The following ADAMTS3 variants were observed in gnomAD, a reference collection of about 807,000 sequenced individuals.
ADAMTS3 encodes ADAM metallopeptidase with thrombospondin type 1 motif 3.
A neutral mutation model predicts 129.0 loss-of-function variants in ADAMTS3; 73 were observed. The observed-to-expected ratio is 0.57, with a 90% confidence interval of 0.47 to 0.69. The LOEUF (loss-of-function observed/expected upper bound fraction) is 0.69, where lower values mean the gene tolerates loss of function less well. ADAMTS3 is among the 30% of genes least tolerant of loss of function. ADAMTS3 has a pLI of 0.00. For missense variants in ADAMTS3, 1,457 were observed against 1,514.5 expected (o/e 0.96, Z 0.63); for synonymous variants, 477 against 510.8 (o/e 0.93, Z 0.89).
rs200127935 is a variant in ADAMTS3 at position 72,567,361 on chromosome 4, G to A, written c.97+13C>T. The A allele has an allele frequency of 7.3e-5, 117 of 1,612,982 alleles. No homozygotes were observed. The highest frequency in any genetic ancestry group is 9.0e-5 in the Non-Finnish European group (106 of 1,179,284). On this transcript the variant is annotated intron_variant, in intron 2 of 21. Coordinates refer to ENST00000286657, the MANE Select transcript of ADAMTS3 (RefSeq NM_014243.3). ...AACTTAAGATAAGAGTGACATCTGA[G>A]AACAAAGCTTACCTATTTGCACCAT...
intron 4 of ADAMTS3, among the ~76,000 whole-genome samples, chr4:72,347,065 G>A (rs920140925): frequency 1.1e-4 from 17 of 152,156 alleles, no homozygotes; most frequent in African/African-American, 3.6e-4. Flanking sequence ...GGAAACTGGA[G>A]GAATATAACA....
chr4:72,340,421 G>A (rs1038708775), intron 4 of ADAMTS3, among the ~76,000 whole-genome samples: 1 of 151,644 alleles, frequency 6.6e-6, no homozygotes, highest in Non-Finnish European at 1.5e-5. Flanking sequence ...ATACATATAT[G>A]TGTATATGCA....
At chr4:72,494,194 T>A (rs1002606204) in intron 3 of ADAMTS3, among the ~76,000 whole-genome samples, 3 of 152,154 alleles carry the variant, frequency 2.0e-5, no homozygotes, top group Non-Finnish European at 2.9e-5. Flanking sequence ...TTCTCCTTCT[T>A]GAACTCTCAA....
chr4:72,389,486 T>C (rs1167850755), intron 4 of ADAMTS3, among the ~76,000 whole-genome samples: 1 of 151,162 alleles, frequency 6.6e-6, no homozygotes, highest in Admixed American at 6.6e-5. Flanking sequence ...TGTTCATCTG[T>C]ATAACTTTGA....
At chr4:72,519,798 T>C (rs1720609272) in intron 3 of ADAMTS3, among the ~76,000 whole-genome samples, 1 of 152,238 alleles carries the variant, frequency 6.6e-6, no homozygotes, top group Non-Finnish European at 1.5e-5. Context: ...TTCCTGTAGC[T>C]CGGAGTAGTT....
At chr4:72,333,848 CTTT>C (rs6148516) in intron 5 of ADAMTS3, among the ~76,000 whole-genome samples, 3 of 99,466 alleles carry the variant, frequency 3.0e-5, no homozygotes, top group African/African-American at 3.9e-5. Context: ...TGTTTGCTTG[CTTT>C]TTTTTTTTTT....
At position 72,314,677 on chromosome 4, in the gene ADAMTS3, G is replaced by A. The variant is rs144972969; in HGVS notation, c.1600-855C>T. ...TTATAAAGCAAAAATGAATTAACTC[G>A]TTATACTCTTGTTTTTAGTCAGAAG... On this transcript the variant is annotated intron_variant, in intron 11 of 21. Coordinates refer to ENST00000286657, the MANE Select transcript of ADAMTS3 (RefSeq NM_014243.3). Among the ~76,000 whole-genome samples the A allele has an allele frequency of 1.6e-3, 245 of 152,122 alleles. 2 individuals carry two copies. The highest frequency in any genetic ancestry group is 5.5e-3 in the African/African-American group (230 of 41,526).
chr4:72,323,150 T>A (rs1262437883), intron 5 of ADAMTS3, 53 bp from the exon 6 acceptor site: 1 of 1,401,796 alleles, frequency 7.1e-7, no homozygotes, highest in Non-Finnish European at 1.0e-6. Context: ...GAGGATTTCA[T>A]GAGATGTACA....
chr4:72,404,837 C>T (rs1445573301), intron 4 of ADAMTS3, among the ~76,000 whole-genome samples: 3 of 151,142 alleles, frequency 2.0e-5, no homozygotes, highest in African/African-American at 7.3e-5. Flanking sequence ...CACACACACA[C>T]ACACACACAC....
In ADAMTS3 at chr4:72,295,693, A is replaced by G; in HGVS notation, c.2684T>C (p.Ile895Thr). ...FCEANKKPKP[I>T]RRMCNIQECT... Reference sequence around the variant, plus strand: ...CTCTTGAATATTGCACATTCGTCTAATAGGTTTCGGCTTTTTGTTGGCCTC... The same window carrying G: ...CTCTTGAATATTGCACATTCGTCTAGTAGGTTTCGGCTTTTTGTTGGCCTC... The change falls in exon 19 of 22, where the codon ATT (isoleucine) becomes ACT (threonine). Residue 895 changes from isoleucine (I) to threonine (T), a missense_variant. Physicochemically the swap from Ile to Thr is moderately conservative, Grantham distance 89. Coordinates refer to ENST00000286657, the MANE Select transcript of ADAMTS3 (RefSeq NM_014243.3). 6.2e-7 allele frequency: 1 copy of G among 1,613,010 alleles called. No individual in the cohort carries two copies. Among genetic ancestry groups the G allele is most frequent in the Non-Finnish European group, 8.5e-7 (1 of 1,179,164 alleles).
chr4:72,558,085 T>C (rs1721811970), intron 2 of ADAMTS3, among the ~76,000 whole-genome samples: 1 of 151,826 alleles, frequency 6.6e-6, no homozygotes, highest in Non-Finnish European at 1.5e-5. Flanking sequence ...TTAACATTTG[T>C]CTCCAAGAGC....
chr4:72,492,557 T>C (rs1247031978), intron 3 of ADAMTS3, among the ~76,000 whole-genome samples: 3 of 151,916 alleles, frequency 2.0e-5, no homozygotes, highest in African/African-American at 7.2e-5. Context: ...TTTATTGCAC[T>C]GTGCTCAGAA....
chr4:72,369,425 AT>A (rs1187016183), intron 4 of ADAMTS3, among the ~76,000 whole-genome samples: 1 of 152,136 alleles, frequency 6.6e-6, no homozygotes, highest in Non-Finnish European at 1.5e-5. Flanking sequence ...ACTAAAAAAA[AT>A]GTGACCGGGC....
At chr4:72,326,068 A>T (rs1387255100) in intron 5 of ADAMTS3, among the ~76,000 whole-genome samples, 1 of 152,150 alleles carries the variant, frequency 6.6e-6, no homozygotes, top group African/African-American at 2.4e-5. Flanking sequence ...AACAAAAGTC[A>T]CTATTATGCC....
intron 3 of ADAMTS3, among the ~76,000 whole-genome samples, chr4:72,495,680 T>C (rs997931573): frequency 8.6e-5 from 13 of 151,872 alleles, no homozygotes; most frequent in African/African-American, 3.1e-4. Context: ...CTCTTTCAGT[T>C]ATTTTTTAAT....
intron 3 of ADAMTS3, among the ~76,000 whole-genome samples, chr4:72,423,339 A>C (rs1180674299): frequency 6.6e-6 from 1 of 152,146 alleles, no homozygotes; most frequent in Non-Finnish European, 1.5e-5. Context: ...TGTGTGTAAG[A>C]CGGAGAATAC....
intron 10 of ADAMTS3, among the ~76,000 whole-genome samples, chr4:72,318,212 C>A (rs1315520784): frequency 6.6e-6 from 1 of 152,054 alleles, no homozygotes; most frequent in Non-Finnish European, 1.5e-5. Flanking sequence ...GTCATCTTCT[C>A]TGAAGGTCAC....
chr4:72,323,066 C>T lies in ADAMTS3; in HGVS notation c.893G>A (p.Gly298Glu). 6.2e-7 allele frequency: 1 copy of T among 1,613,456 alleles called. No homozygotes were observed. Among genetic ancestry groups the T allele is most frequent in the Middle Eastern group, 1.7e-4 (1 of 6,056 alleles). The change falls in exon 6 of 22, where the codon GGA becomes GAA. Residue 298 changes from glycine (G) to glutamate (E), a missense_variant. Transcript: ENST00000286657. ...VNEIYHDESL[G>E]VHINVVLVRM... Reference sequence around the variant, plus strand: ...CACCAGGACCACATTTATATGCACTCCGAGGGACTCATCATGGTAAATTTC... The same window carrying T: ...CACCAGGACCACATTTATATGCACTTCGAGGGACTCATCATGGTAAATTTC...
intron 4 of ADAMTS3, among the ~76,000 whole-genome samples, chr4:72,392,915 A>ATTTTT (rs36046621): frequency 3.6e-5 from 5 of 139,852 alleles, no homozygotes; most frequent in Non-Finnish European, 6.2e-5. Context: ...TACCCATCGG[A>ATTTTT]TTTTTTTTTT....
Sources: gnomAD v4.1 joint callset for allele counts (sites outside exome capture counted in the v4.1 genomes callset) on GRCh38, gnomAD v4.1.1 for gene constraint, MANE v1.5 for transcripts, NCBI Gene and HGNC (gene_info 2026-07-23, HGNC 2026-07-21) for gene names.